PCDHA11: variants seen among roughly 807,000 people sequenced by gnomAD.
PCDHA11 encodes protocadherin alpha-11.
In PCDHA11, 61 loss-of-function variants were observed where a neutral mutation model predicts 70.3. That is an observed-to-expected ratio of 0.87 (90% confidence interval 0.71 to 1.07). The LOEUF (loss-of-function observed/expected upper bound fraction) is 1.07. PCDHA11 is among the 50% of genes least tolerant of loss of function. The pLI is 0.00. For missense variants in PCDHA11, 1,324 were observed against 1,237.5 expected (o/e 1.07, Z -1.05); for synonymous variants, 633 against 555.1 (o/e 1.14, Z -1.97).
chr5:140,909,117 G>T lies in PCDHA11; in HGVS notation c.2391+37623G>T, dbSNP rs576916273. Among the ~76,000 whole-genome samples the T allele has an allele frequency of 1.1e-4, 16 of 152,272 alleles. No homozygotes were observed. The South Asian group carries it at 3.1e-3, about 30-fold the overall frequency. On this transcript the variant is annotated intron_variant, in intron 1 of 3. Transcript: ENST00000398640. ...ACTCACTGGGTCCAATCAGCAAAAT[G>T]TCATCAAGGTAATGAACCAGTGTGA...
intron 1 of PCDHA11, among the ~76,000 whole-genome samples, chr5:140,920,334 T>A (rs2079581280): frequency 6.6e-6 from 1 of 152,212 alleles, no homozygotes; most frequent in South Asian, 2.1e-4. Context: ...TTATGGCATT[T>A]CTTATTTGTC....
chr5:140,875,984 C>T (rs2056022183), intron 1 of PCDHA11: 1 of 1,613,870 alleles, frequency 6.2e-7, no homozygotes, highest in East Asian at 2.2e-5. Flanking sequence ...TTGACCTATG[C>T]GTTAAGTCTA....
chr5:140,872,861 C>T (rs1554166414), intron 1 of PCDHA11, among the ~76,000 whole-genome samples: 1 of 152,182 alleles, frequency 6.6e-6, no homozygotes, highest in African/African-American at 2.4e-5. Context: ...TGAGTACCTA[C>T]TGACAATTAT....
In PCDHA11 at chr5:140,901,962, G is replaced by A. The variant is rs148280805; in HGVS notation, c.2391+30468G>A. The stretch of plus-strand genomic sequence containing the variant: ...ATATTTAGTTTTATTCGTGGCTATC[G>A]TAAATGGGATTACTTTTTAATTTCA... On this transcript the variant is annotated intron_variant, in intron 1 of 3. Coordinates refer to ENST00000398640, the MANE Select transcript of PCDHA11 (RefSeq NM_018902.5). Among the ~76,000 whole-genome samples, 1,226 of 152,004 alleles carry A rather than the reference G, an allele frequency of 8.1e-3. 6 individuals carry two copies. The highest frequency in any genetic ancestry group is 0.019 in the African/African-American group (785 of 41,468).
chr5:140,933,715 G>C (rs1292658358), intron 1 of PCDHA11, among the ~76,000 whole-genome samples: 1 of 151,902 alleles, frequency 6.6e-6, no homozygotes, highest in Non-Finnish European at 1.5e-5. Flanking sequence ...ACTGAGATTG[G>C]TGATACAGCT....
At chr5:140,955,096 T>G (rs1366148224) in intron 1 of PCDHA11, among the ~76,000 whole-genome samples, 1 of 152,178 alleles carries the variant, frequency 6.6e-6, no homozygotes, top group Non-Finnish European at 1.5e-5. Flanking sequence ...GTGTGTGGTG[T>G]TATTTCTGAG....
Position 140,870,487 on chromosome 5 carries a change from T to A in PCDHA11, c.1384T>A (p.Phe462Ile). Reference sequence around the variant, plus strand: ...GTTCGCACAGCCCGAGTACACCGTGTTCGTGAAGGAGAACAACCCACCAGG... The same window carrying A: ...GTTCGCACAGCCCGAGTACACCGTGATCGTGAAGGAGAACAACCCACCAGG... ...PAFAQPEYTV[F>I]VKENNPPGCH... The change falls in exon 1 of 4, where the codon TTC (phenylalanine) becomes ATC (isoleucine). Residue 462 changes from phenylalanine to isoleucine, a missense_variant. By Grantham distance (21) the Phe-to-Ile change is conservative. Transcript: ENST00000398640. The A allele has an allele frequency of 6.2e-7, 1 of 1,614,204 alleles. No homozygotes were observed.
intron 1 of PCDHA11, chr5:140,876,403 G>A (rs1361779592): frequency 1.2e-6 from 2 of 1,613,820 alleles, no homozygotes. Context: ...ACTGGATTTT[G>A]AAGAGAATAA....
intron 1 of PCDHA11, among the ~76,000 whole-genome samples, chr5:140,881,147 A>T (rs982102013): frequency 1.3e-5 from 2 of 152,356 alleles, no homozygotes; most frequent in East Asian, 3.9e-4. Context: ...ATAACAATAG[A>T]TAAAAGTAAG....
intron 1 of PCDHA11, among the ~76,000 whole-genome samples, chr5:140,887,315 C>G (rs1239122037): frequency 1.3e-5 from 2 of 152,116 alleles, no homozygotes; most frequent in Non-Finnish European, 2.9e-5. Flanking sequence ...CCAGGATAGT[C>G]TCGAACTCCT....
intron 1 of PCDHA11, chr5:140,877,080 C>A (rs113692468): frequency 9.9e-6 from 16 of 1,612,944 alleles, no homozygotes; most frequent in Non-Finnish European, 1.4e-5. Flanking sequence ...TCCAGGTGAG[C>A]GCGCGCGACG....
chr5:140,988,324 C>T (rs2097292768), intron 3 of PCDHA11, among the ~76,000 whole-genome samples: 1 of 152,206 alleles, frequency 6.6e-6, no homozygotes, highest in African/African-American at 2.4e-5. Flanking sequence ...CTTTCTCTAC[C>T]CGAGGAAAGT....
rs782039603 is a variant in PCDHA11 at position 140,876,722 on chromosome 5, G to A, written c.2391+5228G>A. 2.5e-6 allele frequency: 4 copies of A among 1,614,134 alleles called. No individual in the cohort carries two copies. In the Admixed American group the frequency reaches 5.0e-5, roughly 20 times the overall value. On this transcript the variant is annotated intron_variant, in intron 1 of 3. Coordinates refer to ENST00000398640, the MANE Select transcript of PCDHA11 (RefSeq NM_018902.5). ...CTGGACAGCGCCCTGGACCGCGAGA[G>A]CGTGTCGGCCTATGAGCTGGTGGTG...
At chr5:140,912,130 T>A (rs1554195167) in intron 1 of PCDHA11, among the ~76,000 whole-genome samples, 1 of 152,156 alleles carries the variant, frequency 6.6e-6, no homozygotes, top group Non-Finnish European at 1.5e-5. Flanking sequence ...GTCAGTCTAA[T>A]CTCTCCATGT....
At position 141,011,260 on chromosome 5, in the gene PCDHA11, C is replaced by T. The variant is rs2098420018; in HGVS notation, c.*1323C>T. On this transcript the variant is annotated 3_prime_UTR_variant, in exon 4 of 4. Coordinates refer to ENST00000398640, the MANE Select transcript of PCDHA11 (RefSeq NM_018902.5). ...TGACTTGTCTTGGTGTGCTAGCCTA[C>T]ACCTTCTCTTTGGTTTAGTTTTCCT... The T allele has an allele frequency of 6.5e-6, 1 of 153,766 alleles. No individual in the cohort carries two copies. The highest frequency in any genetic ancestry group is 6.5e-5 in the Admixed American group (1 of 15,278). 9.5% of individuals were successfully genotyped at this position (153,766 alleles called of 1,614,324 possible).
At position 140,916,114 on chromosome 5, in the gene PCDHA11, G is replaced by A. The variant is rs533496476; in HGVS notation, c.2391+44620G>A. On this transcript the variant is annotated intron_variant, in intron 1 of 3. Transcript: ENST00000398640. ...GGGAATCTGCCTGGCCACTGCTGAT[G>A]TTCACTTAAAGCTTAAGGGCTGTTC... 5.9e-5 allele frequency among the ~76,000 whole-genome samples: 9 copies of A among 152,238 alleles called. No homozygotes were observed. In the East Asian group the frequency reaches 1.7e-3, roughly 29 times the overall value.
At chr5:140,903,500 G>C (rs553764100) in intron 1 of PCDHA11, among the ~76,000 whole-genome samples, 5 of 152,184 alleles carry the variant, frequency 3.3e-5, no homozygotes, top group Non-Finnish European at 7.3e-5. Flanking sequence ...AGGTACCATA[G>C]ATAATAGTTC....
At chr5:140,929,379 GT>G (rs1554207046) in intron 1 of PCDHA11, 1 of 1,513,346 alleles carries the variant, frequency 6.6e-7, no homozygotes, top group African/African-American at 1.4e-5. Context: ...GCTGCTAGCT[GT>G]GTTTTGAAAT....
intron 1 of PCDHA11, among the ~76,000 whole-genome samples, chr5:140,910,741 ATAAAT>A (rs2075151736): frequency 6.6e-6 from 1 of 152,142 alleles, no homozygotes; most frequent in African/African-American, 2.4e-5. Flanking sequence ...AACCAAGCAC[ATAAAT>A]TATCAGAACC....
Sources: allele counts gnomAD v4.1 joint callset (sites outside exome capture counted in the v4.1 genomes callset), GRCh38; gene constraint gnomAD v4.1.1; transcripts MANE v1.5; gene names NCBI Gene and HGNC (gene_info 2026-07-23, HGNC 2026-07-21).